Variants in SRGAP2B observed in about 807,000 individuals in gnomAD.
SRGAP2B encodes SLIT-ROBO Rho GTPase activating protein 2B.
A neutral mutation model predicts 22.2 loss-of-function variants in SRGAP2B; 9 were observed. That is an observed-to-expected ratio of 0.41 (90% CI 0.24 to 0.71). The LOEUF (loss-of-function observed/expected upper bound fraction) is 0.71. SRGAP2B is among the 30% of genes least tolerant of loss of function. SRGAP2B has a pLI of 0.35. For synonymous variants in SRGAP2B, 36 were observed against 87.4 expected, an observed-to-expected ratio of 0.41 and a Z score of 3.28; for missense variants, 114 against 235.8, an observed-to-expected ratio of 0.48 and a Z score of 3.38.
rs587723079 is a variant in SRGAP2B at position 145,090,464 on chromosome 1, G to T, written c.67+2371C>A. Among the ~76,000 whole-genome samples the T allele has an allele frequency of 1.5e-4, 23 of 149,806 alleles. No homozygotes were observed. The East Asian group carries it at 4.5e-3, about 29-fold the overall frequency. On this transcript the variant is annotated intron_variant, in intron 2 of 9. Coordinates refer to ENST00000612199, the Ensembl canonical transcript of SRGAP2B. ...AGTTTCCTTATATGGTGAATGGAAG[G>T]TGACAATAATACCCATTCCCTGGGT...
chr1:145,061,612 G>A (rs1175920380), intron 2 of SRGAP2B, among the ~76,000 whole-genome samples: 1 of 150,194 alleles, frequency 6.7e-6, no homozygotes, highest in Non-Finnish European at 1.5e-5. Flanking sequence ...CTCTGAGACA[G>A]GGTCTCACTC....
intron 3 of SRGAP2B, among the ~76,000 whole-genome samples, chr1:144,964,613 G>C (rs1437835900): frequency 3.3e-5 from 5 of 151,092 alleles, no homozygotes; most frequent in African/African-American, 9.9e-5. Flanking sequence ...GATGAACAAT[G>C]TGAAACTCCA....
chr1:145,021,086 G>A (rs1672770559), intron 2 of SRGAP2B, among the ~76,000 whole-genome samples: 1 of 150,346 alleles, frequency 6.7e-6, no homozygotes, highest in Non-Finnish European at 1.5e-5. Flanking sequence ...TGGGATTACA[G>A]GCAAGAGCCA....
rs587738807 is a variant in SRGAP2B at position 144,915,364 on chromosome 1, A to G, written c.424-610T>C. On this transcript the variant is annotated intron_variant, in intron 4 of 9. Transcript: ENST00000612199. ...GGTCTCCAACTAGTTAATCTTGAGC[A>G]GTGATGGCTCCTGGGTTCTTTGCTG... Among the ~76,000 whole-genome samples the G allele has an allele frequency of 8.0e-5, 12 of 150,868 alleles. No individual in the cohort carries two copies. The East Asian group carries it at 1.6e-3, about 19-fold the overall frequency.
At chr1:145,017,275 TA>T (rs72506219) in intron 2 of SRGAP2B, among the ~76,000 whole-genome samples, 18 of 149,348 alleles carry the variant, frequency 1.2e-4, no homozygotes, top group African/African-American at 1.8e-4. Flanking sequence ...AAAGATATGA[TA>T]AAAAAAATGG....
chr1:145,008,946 C>T (rs1386246215), intron 2 of SRGAP2B, among the ~76,000 whole-genome samples: 2 of 149,370 alleles, frequency 1.3e-5, no homozygotes, highest in African/African-American at 2.5e-5. Context: ...CCAAGGCAGG[C>T]GGACCACGAG....
At position 144,966,943 on chromosome 1, in the gene SRGAP2B, A is replaced by C. The variant is rs1265692761; in HGVS notation, c.261-11342T>G. On this transcript the variant is annotated intron_variant, in intron 3 of 9. Transcript: ENST00000612199. ...ATCAATTCAACAAGAGGAGCTAACT[A>C]TCCTAAATATATATGCACCCAATAC... Among the ~76,000 whole-genome samples the C allele has an allele frequency of 4.2e-5, 6 of 143,414 alleles. No individual in the cohort carries two copies. In the South Asian group the frequency reaches 8.9e-4, roughly 21 times the overall value. 94.1% of individuals were successfully genotyped at this position (143,414 alleles called of 152,430 possible). A position where few individuals can be genotyped will look rare whatever the true frequency, so the allele number is the denominator to read the frequency against.
In SRGAP2B at chr1:144,923,410, C is replaced by A. The variant is rs587671893; in HGVS notation, c.424-8656G>T. Among the ~76,000 whole-genome samples, 156 of 150,274 alleles carry A rather than the reference C, an allele frequency of 1.0e-3. 4 individuals are homozygous for A. The highest frequency in any genetic ancestry group is 1.8e-3 in the Admixed American group (28 of 15,138). On this transcript the variant is annotated intron_variant, in intron 4 of 9. Coordinates refer to ENST00000612199, the Ensembl canonical transcript of SRGAP2B. ...AGGTCATTCTGAAGATGAGTGATCA[C>A]CCCATTTCCCAAGCAGGACACTAAA...
intron 4 of SRGAP2B, among the ~76,000 whole-genome samples, chr1:144,939,209 G>C (rs1325174196): frequency 8.1e-6 from 1 of 123,636 alleles, no homozygotes; most frequent in East Asian, 2.4e-4. Context: ...TCTGCTGTCA[G>C]ACTGTCCTCA....
rs587707307 is a variant in SRGAP2B, at chr1:144,940,382, A to G, written c.423+15057T>C. Among the ~76,000 whole-genome samples, 345 of 145,288 alleles carry G rather than the reference A, an allele frequency of 2.4e-3. 15 individuals carry two copies. The highest frequency in any genetic ancestry group is 8.7e-3 in the African/African-American group (326 of 37,338). On this transcript the variant is annotated intron_variant, in intron 4 of 9. Transcript: ENST00000612199. ...CTCTCCTTACCTTATATTAAATGGA[A>G]GTAGGGTATTTCCAAATGAAAGCCT...
intron 4 of SRGAP2B, among the ~76,000 whole-genome samples, chr1:144,925,234 A>T (rs1553604789): frequency 6.7e-6 from 1 of 149,814 alleles, no homozygotes; most frequent in Non-Finnish European, 1.5e-5. Context: ...CGAACTCCTG[A>T]CCTCAAGTGA....
chr1:144,940,583 G>T (rs1282633039), intron 4 of SRGAP2B, among the ~76,000 whole-genome samples: 3 of 140,850 alleles, frequency 2.1e-5, no homozygotes, highest in Non-Finnish European at 4.6e-5. Context: ...CAGATCACTT[G>T]AGTTCAGGAG....
intron 2 of SRGAP2B, among the ~76,000 whole-genome samples, chr1:145,016,117 CA>C (rs1672400290): frequency 1.8e-5 from 1 of 55,648 alleles, no homozygotes; most frequent in African/African-American, 8.5e-5. Flanking sequence ...CCTGGTGATC[CA>C]AAGGCTAGCA....
At chr1:145,076,137 C>T (rs1652483159) in intron 2 of SRGAP2B, among the ~76,000 whole-genome samples, 2 of 150,046 alleles carry the variant, frequency 1.3e-5, no homozygotes, top group Non-Finnish European at 3.0e-5. Context: ...TAGTAAGATG[C>T]AAAACCTACT....
intron 4 of SRGAP2B, among the ~76,000 whole-genome samples, chr1:144,934,070 T>C (rs1313164512): frequency 1.4e-5 from 2 of 147,904 alleles, no homozygotes; most frequent in Non-Finnish European, 3.0e-5. Flanking sequence ...CATCATTTAA[T>C]GAAACCTACA....
At chr1:144,963,436 TAAA>T (rs1667824904) in intron 3 of SRGAP2B, among the ~76,000 whole-genome samples, 1 of 135,446 alleles carries the variant, frequency 7.4e-6, no homozygotes, top group Non-Finnish European at 1.6e-5. Flanking sequence ...TTTCTCAGCT[TAAA>T]AAGAATTCGT....
At chr1:144,928,839 G>A (rs1664966181) in intron 4 of SRGAP2B, among the ~76,000 whole-genome samples, 1 of 145,828 alleles carries the variant, frequency 6.9e-6, no homozygotes, top group Non-Finnish European at 1.5e-5. Context: ...TGGAATTGAT[G>A]GGTCACAGGT....
At position 144,902,752 on chromosome 1, in the gene SRGAP2B, A is replaced by C. The variant is rs1662727488; in HGVS notation, c.831+2339T>G. Among the ~76,000 whole-genome samples, 3 of 134,026 alleles carry C rather than the reference A, an allele frequency of 2.2e-5. No individual in the cohort carries two copies. In the Admixed American group the frequency reaches 2.4e-4, roughly 11 times the overall value. The allele number at this position is 134,026 out of a possible 152,430, so 87.9% of individuals were successfully genotyped here. On this transcript the variant is annotated intron_variant, in intron 7 of 9. Coordinates refer to ENST00000612199, the Ensembl canonical transcript of SRGAP2B. The stretch of plus-strand genomic sequence containing the variant: ...ACTCCAGCCTGGGCGACAGAGAGAG[A>C]CTCCTTCTCAAAAAAAAAAAAAAAA...
At chr1:144,969,635 T>C (rs1284016317) in intron 3 of SRGAP2B, among the ~76,000 whole-genome samples, 1 of 149,538 alleles carries the variant, frequency 6.7e-6, no homozygotes, top group Non-Finnish European at 1.5e-5. Context: ...AAAGCCAAAA[T>C]TGACAAATGG....
Sources: allele counts gnomAD v4.1 joint callset (sites outside exome capture counted in the v4.1 genomes callset), GRCh38; gene constraint gnomAD v4.1.1; transcripts MANE v1.5; gene names NCBI Gene and HGNC (gene_info 2026-07-23, HGNC 2026-07-21).